TEC: variants seen among roughly 807,000 people sequenced by gnomAD.
TEC encodes tec protein tyrosine kinase.
Under a neutral mutation model 93.0 loss-of-function variants are expected in TEC, and 72 were observed. The observed-to-expected ratio is 0.77, with a 90% CI of 0.64 to 0.94. The LOEUF (loss-of-function observed/expected upper bound fraction) is 0.94, where lower values mean the gene tolerates loss of function less well. Ranked by LOEUF, TEC falls within the 40% of genes least tolerant of loss-of-function variation. The pLI is 0.00. For missense variants in TEC, 630 were observed against 757.9 expected (o/e 0.83, Z 1.98); for synonymous variants, 249 against 247.7 (o/e 1.01, Z -0.05).
At chr4:48,246,341 C>T (rs1724055219) in intron 1 of TEC, among the ~76,000 whole-genome samples, 1 of 151,988 alleles carries the variant, frequency 6.6e-6, no homozygotes, top group Non-Finnish European at 1.5e-5. Context: ...GTTAAAATGG[C>T]AATGCTTCCC....
intron 1 of TEC, among the ~76,000 whole-genome samples, chr4:48,251,547 T>C (rs1724202232): frequency 6.6e-6 from 1 of 152,180 alleles, no homozygotes; most frequent in African/African-American, 2.4e-5. Flanking sequence ...TCCCCACTGG[T>C]TGTAAGTTTC....
intron 2 of TEC, among the ~76,000 whole-genome samples, chr4:48,227,303 C>A (rs1422801886): frequency 4.6e-5 from 7 of 151,970 alleles, no homozygotes; most frequent in Non-Finnish European, 1.0e-4. Flanking sequence ...AAAAATACAA[C>A]TAAATCAACG....
intron 2 of TEC, among the ~76,000 whole-genome samples, chr4:48,198,806 G>C (rs1722392376): frequency 6.6e-6 from 1 of 151,784 alleles, no homozygotes; most frequent in South Asian, 2.1e-4. Context: ...TAAGAAAAAA[G>C]AAAAAACTAA....
At chr4:48,237,070 G>A (rs756151358) in intron 1 of TEC, among the ~76,000 whole-genome samples, 5 of 152,090 alleles carry the variant, frequency 3.3e-5, no homozygotes, top group South Asian at 2.1e-4. Flanking sequence ...GGTGACTTAC[G>A]CCTGTAATCC....
rs761957538 is a variant in TEC, at chr4:48,137,374, T to G, written c.*42A>C. 12 of 1,533,548 alleles carry G rather than the reference T, an allele frequency of 7.8e-6. No individual in the cohort carries two copies. Among genetic ancestry groups the G allele is most frequent in the Non-Finnish European group, 9.0e-7 (1 of 1,110,702 alleles). 95.0% of individuals were successfully genotyped at this position (1,533,548 alleles called of 1,614,324 possible). On this transcript the variant is annotated 3_prime_UTR_variant, in exon 18 of 18. Coordinates refer to ENST00000381501, the MANE Select transcript of TEC (RefSeq NM_003215.3). ...TTAAAAGCCACAAAATGCCCATCCTTCCTTGTGCTTGGGAATCTGGGAGCC... is the reference window on the plus strand; with the variant it reads ...TTAAAAGCCACAAAATGCCCATCCTGCCTTGTGCTTGGGAATCTGGGAGCC...
chr4:48,216,727 C>T (rs967203662), intron 2 of TEC, among the ~76,000 whole-genome samples: 1 of 152,146 alleles, frequency 6.6e-6, no homozygotes, highest in African/African-American at 2.4e-5. Context: ...TAAAACTTTG[C>T]TTAAAACTCA....
At chr4:48,237,128 C>T (rs1723807107) in intron 1 of TEC, among the ~76,000 whole-genome samples, 1 of 152,068 alleles carries the variant, frequency 6.6e-6, no homozygotes, top group Non-Finnish European at 1.5e-5. Context: ...GCCAGGAGTT[C>T]GAGACCAGCC....
intron 2 of TEC, among the ~76,000 whole-genome samples, chr4:48,223,516 G>A (rs1488591999): frequency 1.3e-5 from 2 of 152,112 alleles, no homozygotes; most frequent in East Asian, 3.8e-4. Flanking sequence ...TCTGCATTTT[G>A]AAATTAAGTC....
Position 48,156,582 on chromosome 4 carries a change from C to T in TEC, c.792+98G>A, listed in dbSNP as rs184216800. 8.9e-6 allele frequency: 10 copies of T among 1,117,852 alleles called. No individual in the cohort carries two copies. In the South Asian group the frequency reaches 1.2e-4, roughly 13 times the overall value. The allele number at this position is 1,117,852 out of a possible 1,614,324, so 69.2% of individuals were successfully genotyped here. ...TAGTTTTGCATAGACTTGCTCACTGCTGAACACATTTAGAAAGAGAGATAT... is the reference window on the plus strand; with the variant it reads ...TAGTTTTGCATAGACTTGCTCACTGTTGAACACATTTAGAAAGAGAGATAT... On this transcript the variant is annotated intron_variant, in intron 9 of 17. Transcript: ENST00000381501.
chr4:48,228,582 A>G lies in TEC; in HGVS notation c.33T>C (p.Leu11=), dbSNP rs764003682. The change falls in exon 2 of 18, where the codon CTT becomes CTC. Residue 11 remains leucine, a synonymous_variant. Transcript: ENST00000381501. ...TCTTTTTCTGCTGTGACCTTTTAAT[A>G]AGAATCTCCTCCAAAATAGTGTTAA... MNFNTILEEI[L]IKRSQQKKKT... is the part of the protein sequence containing the mutation. 8.1e-6 allele frequency: 13 copies of G among 1,613,760 alleles called. 1 individual carries two copies. The South Asian group carries it at 1.4e-4, about 18-fold the overall frequency.
At chr4:48,232,320 A>C (rs553140969) in intron 1 of TEC, among the ~76,000 whole-genome samples, 3,606 of 149,266 alleles carry the variant, frequency 0.024, 68 homozygotes, top group Non-Finnish European at 0.035. Context: ...CAAAAAAAAA[A>C]CACCTTATCT....
intron 1 of TEC, among the ~76,000 whole-genome samples, chr4:48,260,067 T>C (rs1357556726): frequency 3.3e-5 from 5 of 152,194 alleles, no homozygotes. Context: ...GAAATGAGGC[T>C]CTACACATTA....
At position 48,263,702 on chromosome 4, in the gene TEC, G is replaced by A. The variant is rs568577786; in HGVS notation, c.-46+6050C>T. Among the ~76,000 whole-genome samples, 32 of 151,888 alleles carry A rather than the reference G, an allele frequency of 2.1e-4. No homozygotes were observed. In the East Asian group the frequency reaches 2.7e-3, roughly 13 times the overall value. On this transcript the variant is annotated intron_variant, in intron 1 of 17. Coordinates refer to ENST00000381501, the MANE Select transcript of TEC (RefSeq NM_003215.3). ...ACAGAGCGAGACTGTCTCCACCCCCGCCAAAAAAAAGAAAAGAAAGAAAGA... is the reference window on the plus strand; with the variant it reads ...ACAGAGCGAGACTGTCTCCACCCCCACCAAAAAAAAGAAAAGAAAGAAAGA...
intron 8 of TEC, among the ~76,000 whole-genome samples, chr4:48,162,514 G>A (rs1048006405): frequency 6.6e-6 from 1 of 152,064 alleles, no homozygotes; most frequent in African/African-American, 2.4e-5. Context: ...TTTAAAACCA[G>A]GCCCAAGTTT....
chr4:48,265,153 A>G (rs1395463472), intron 1 of TEC, among the ~76,000 whole-genome samples: 1 of 152,126 alleles, frequency 6.6e-6, no homozygotes, highest in Non-Finnish European at 1.5e-5. Context: ...CACTGACACT[A>G]TAAAACAAAA....
At chr4:48,144,719 C>T (rs1268026974) in intron 14 of TEC, among the ~76,000 whole-genome samples, 1 of 152,116 alleles carries the variant, frequency 6.6e-6, no homozygotes, top group Non-Finnish European at 1.5e-5. Flanking sequence ...AAGGCCAACC[C>T]CAATTTCCCT....
At chr4:48,237,911 C>T (rs1272417615) in intron 1 of TEC, among the ~76,000 whole-genome samples, 3 of 152,082 alleles carry the variant, frequency 2.0e-5, no homozygotes, top group African/African-American at 4.8e-5. Flanking sequence ...AACATCAAAC[C>T]GACCTTAATC....
chr4:48,250,922 G>T (rs188739979), intron 1 of TEC, among the ~76,000 whole-genome samples: 11 of 152,320 alleles, frequency 7.2e-5, no homozygotes, highest in African/African-American at 2.6e-4. Context: ...GGGACTGTTT[G>T]TTACACAGGA....
chr4:48,182,305 G>C (rs1721623769), intron 2 of TEC, among the ~76,000 whole-genome samples: 1 of 151,286 alleles, frequency 6.6e-6, no homozygotes, highest in African/African-American at 2.4e-5. Context: ...AAAAATTGTG[G>C]CCCAAGGGGA....
Sources: gnomAD v4.1 joint callset for allele counts (sites outside exome capture counted in the v4.1 genomes callset) on GRCh38, gnomAD v4.1.1 for gene constraint, MANE v1.5 for transcripts, NCBI Gene and HGNC (gene_info 2026-07-23, HGNC 2026-07-21) for gene names.